The following CNTNAP2 variants were observed in gnomAD, a reference collection of about 807,000 sequenced individuals.
The protein encoded by CNTNAP2 is contactin associated protein 2, also known as contactin-associated protein-like 2.
Under a neutral mutation model 155.2 loss-of-function variants are expected in CNTNAP2, and 98 were observed. The ratio of observed to expected loss-of-function variants is 0.63; its 90% CI spans 0.54 to 0.75. CNTNAP2 has a LOEUF of 0.75. Ranked by LOEUF, CNTNAP2 falls within the 30% of genes least tolerant of loss-of-function variation. The probability of loss-of-function intolerance (pLI) is 0.00; values close to 1 mark genes in which losing one functional copy is unlikely to be tolerated. For missense variants in CNTNAP2, 1,727 were observed against 1,688.1 expected (o/e 1.02, Z -0.40); for synonymous variants, 651 against 631.2 (o/e 1.03, Z -0.47).
chr7:146,842,377 T>C (rs1803744953), intron 3 of CNTNAP2, among the ~76,000 whole-genome samples: 1 of 152,138 alleles, frequency 6.6e-6, no homozygotes, highest in East Asian at 1.9e-4. Flanking sequence ...CTTTCAAATA[T>C]TGTGTTTCTT....
chr7:147,794,311 G>A (rs1436948292), intron 13 of CNTNAP2, among the ~76,000 whole-genome samples: 1 of 151,884 alleles, frequency 6.6e-6, no homozygotes, highest in Non-Finnish European at 1.5e-5. Flanking sequence ...TCCTTCACCA[G>A]GATGAAGACA....
At chr7:147,516,693 C>T (rs545366808) in intron 11 of CNTNAP2, among the ~76,000 whole-genome samples, 55 of 151,274 alleles carry the variant, frequency 3.6e-4, no homozygotes, top group South Asian at 2.1e-4. Context: ...ATATGAAGCA[C>T]GATGCACAAA....
chr7:146,951,652 T>G (rs1487176780), intron 3 of CNTNAP2, among the ~76,000 whole-genome samples: 1 of 152,190 alleles, frequency 6.6e-6, no homozygotes, highest in Non-Finnish European at 1.5e-5. Context: ...CATTGGTCTA[T>G]ATGTCTGTTT....
At chr7:148,028,919 A>G (rs1375932916) in intron 15 of CNTNAP2, among the ~76,000 whole-genome samples, 1 of 152,216 alleles carries the variant, frequency 6.6e-6, no homozygotes, top group African/African-American at 2.4e-5. Context: ...ATTTGGGGGA[A>G]GAGAAATCAT....
At chr7:148,045,773 A>G (rs1802763934) in intron 15 of CNTNAP2, among the ~76,000 whole-genome samples, 1 of 152,182 alleles carries the variant, frequency 6.6e-6, no homozygotes, top group Non-Finnish European at 1.5e-5. Context: ...AATCACCCAC[A>G]TAGCAGCGAT....
chr7:147,461,250 G>A (rs1798018704), intron 10 of CNTNAP2, among the ~76,000 whole-genome samples: 1 of 152,074 alleles, frequency 6.6e-6, no homozygotes, highest in African/African-American at 2.4e-5. Context: ...CAGTAATTAG[G>A]TTTGGAAATG....
chr7:148,120,997 T>C (rs2116612967), intron 16 of CNTNAP2, among the ~76,000 whole-genome samples: 1 of 152,242 alleles, frequency 6.6e-6, no homozygotes, highest in East Asian at 1.9e-4. Context: ...GATGGAGGCT[T>C]GTTGCTGTCG....
intron 1 of CNTNAP2, among the ~76,000 whole-genome samples, chr7:146,721,817 T>C (rs1312857280): frequency 7.9e-6 from 1 of 126,054 alleles, no homozygotes; most frequent in East Asian, 2.1e-4. Context: ...ATAGTCTATA[T>C]ATGTAGACTA....
At chr7:147,724,037 G>A (rs1456494553) in intron 13 of CNTNAP2, among the ~76,000 whole-genome samples, 1 of 151,636 alleles carries the variant, frequency 6.6e-6, no homozygotes. Flanking sequence ...TTTCTTCATA[G>A]CACTCCTGAT....
chr7:147,067,026 C>T (rs932055651), intron 4 of CNTNAP2, among the ~76,000 whole-genome samples: 1 of 152,266 alleles, frequency 6.6e-6, no homozygotes, highest in Admixed American at 6.5e-5. Flanking sequence ...GGCGCATTGG[C>T]TGACGCCTGT....
chr7:147,702,566 C>T (rs990093307), intron 13 of CNTNAP2, among the ~76,000 whole-genome samples: 6 of 151,788 alleles, frequency 4.0e-5, no homozygotes, highest in African/African-American at 9.7e-5. Flanking sequence ...AGTTCTGTAA[C>T]CTCTGCTTCC....
intron 1 of CNTNAP2, among the ~76,000 whole-genome samples, chr7:146,249,014 G>A (rs1213021984): frequency 1.3e-5 from 2 of 152,084 alleles, no homozygotes; most frequent in Non-Finnish European, 2.9e-5. Flanking sequence ...TCAGAGTGGG[G>A]GTCACAAGGT....
intron 3 of CNTNAP2, among the ~76,000 whole-genome samples, chr7:146,871,312 C>T (rs1178499407): frequency 6.6e-6 from 1 of 151,974 alleles, no homozygotes; most frequent in East Asian, 1.9e-4. Context: ...GGGCAGGTCA[C>T]CTGAGGTCAG....
In CNTNAP2 at chr7:147,784,381, CATATATATATAT is replaced by C. The variant is rs60221349; in HGVS notation, c.2099-119169_2099-119158del. ...TTCATAGCCCTCTACAAACTAAAAA[CATATATATATAT>C]ATATATATATATATGTAACATATAA... On this transcript the variant is annotated intron_variant, in intron 13 of 23. Transcript: ENST00000361727. Among the ~76,000 whole-genome samples, 62 of 99,304 alleles carry C rather than the reference CATATATATATAT, an allele frequency of 6.2e-4. 1 individual carries two copies. The highest frequency in any genetic ancestry group is 1.3e-3 in the South Asian group (3 of 2,378). 65.1% of individuals were successfully genotyped at this position (99,304 alleles called of 152,430 possible).
chr7:148,216,803 TGGTTGGAAGTAATTTAA>T (rs1795646492), intron 18 of CNTNAP2, among the ~76,000 whole-genome samples: 1 of 152,242 alleles, frequency 6.6e-6, no homozygotes, highest in African/African-American at 2.4e-5. Flanking sequence ...GGAAGGGACC[TGGTTGGAAGTAATTTAA>T]TCACAGGAGG....
rs10618573 is a variant in CNTNAP2 at position 146,400,266 on chromosome 7, T to TA, written c.97+283305dup. Among the ~76,000 whole-genome samples the TA allele has an allele frequency of 1.3e-3, 190 of 148,776 alleles. 2 individuals are homozygous for TA. In the South Asian group the frequency reaches 0.021, roughly 16 times the overall value. Reference sequence around the variant, plus strand: ...AGTTAACTGGAGAAAGCTATTCTAGTAAAAAAAAAAAATATGAAAAAAAGG... The same window carrying TA: ...AGTTAACTGGAGAAAGCTATTCTAGTAAAAAAAAAAAAATATGAAAAAAAGG... On this transcript the variant is annotated intron_variant, in intron 1 of 23. Transcript: ENST00000361727.
intron 1 of CNTNAP2, among the ~76,000 whole-genome samples, chr7:146,365,536 C>G (rs1044782259): frequency 6.6e-6 from 1 of 152,128 alleles, no homozygotes; most frequent in African/African-American, 2.4e-5. Context: ...CAAAATGAAT[C>G]TTACCTTATC....
intron 4 of CNTNAP2, 26 bp downstream of exon 4, chr7:147,044,080 T>C: frequency 1.2e-6 from 2 of 1,613,814 alleles, no homozygotes; most frequent in Non-Finnish European, 8.5e-7. Flanking sequence ...TTTAAATTTG[T>C]GGCAGGTTTT....
At chr7:147,171,700 G>C (rs946997802) in intron 8 of CNTNAP2, among the ~76,000 whole-genome samples, 2 of 151,984 alleles carry the variant, frequency 1.3e-5, no homozygotes, top group African/African-American at 4.8e-5. Flanking sequence ...ATATACATGT[G>C]GTATATGTCA....
Sources: allele counts gnomAD v4.1 joint callset (sites outside exome capture counted in the v4.1 genomes callset), GRCh38; gene constraint gnomAD v4.1.1; transcripts MANE v1.5; gene names NCBI Gene and HGNC (gene_info 2026-07-23, HGNC 2026-07-21).